Variants in SDHB observed in about 807,000 individuals in gnomAD.
SDHB encodes the protein succinate dehydrogenase complex iron sulfur subunit B, also known as succinate dehydrogenase [ubiquinone] iron-sulfur subunit, mitochondrial.
Under a neutral mutation model 39.7 loss-of-function variants are expected in SDHB, and 21 were observed. The observed-to-expected ratio is 0.53, with a 90% CI of 0.37 to 0.76. The LOEUF (loss-of-function observed/expected upper bound fraction) is 0.76. SDHB is among the 30% of genes least tolerant of loss of function. SDHB has a pLI of 0.00. For synonymous variants in SDHB, 118 were observed against 117.0 expected, an observed-to-expected ratio of 1.01 and a Z score of -0.06; for missense variants, 343 against 350.9, an observed-to-expected ratio of 0.98 and a Z score of 0.18.
At chr1:17,050,020 A>G (rs2078136541) in intron 1 of SDHB, among the ~76,000 whole-genome samples, 1 of 152,170 alleles carries the variant, frequency 6.6e-6, no homozygotes, top group Non-Finnish European at 1.5e-5. Context: ...CAAGCTGGGT[A>G]TCAGAACCAC....
intron 2 of SDHB, among the ~76,000 whole-genome samples, chr1:17,036,352 G>C (rs535743915): frequency 4.2e-4 from 64 of 152,082 alleles, no homozygotes; most frequent in Admixed American, 8.5e-4. Context: ...TGTCGCCCAG[G>C]CTGGATGGAG....
At chr1:17,044,688 G>A in intron 2 of SDHB, 73 bp downstream of exon 2, 11 of 1,532,762 alleles carry the variant, frequency 7.2e-6, no homozygotes, top group Non-Finnish European at 9.0e-6. Flanking sequence ...AGCCTTCCAA[G>A]GATGTGAAAA....
rs187489824 is a variant in SDHB, at chr1:17,039,781, G to C, written c.200+4980C>G. Reference sequence around the variant, plus strand: ...TGCTGTTCCCAGCCCCTACGCTATAGTTATCATATGCCTTACATCTATGTG... The same window carrying C: ...TGCTGTTCCCAGCCCCTACGCTATACTTATCATATGCCTTACATCTATGTG... On this transcript the variant is annotated intron_variant, in intron 2 of 7. Transcript: ENST00000375499. Among the ~76,000 whole-genome samples, 23 of 152,204 alleles carry C rather than the reference G, an allele frequency of 1.5e-4. No homozygotes were observed. The East Asian group carries it at 3.9e-3, about 26-fold the overall frequency.
Position 17,027,772 on chromosome 1 carries a change from A to G in SDHB, c.517T>C (p.Ser173Pro), listed in dbSNP as rs2077999499. ...ACCAGTTTCTCACGCTCTTCTATGG[A>G]CTGCAGATACTGCTGCTTGCCTTCC... The part of the protein sequence containing the change: ...SQEGKQQYLQ[S>P]IEEREKLDGL... Residue 173 changes from serine (S) to proline (P), a missense_variant, in exon 5 of 8, where the codon TCC (serine) becomes CCC (proline). Coordinates refer to ENST00000375499, the MANE Select transcript of SDHB (RefSeq NM_003000.3). The G allele has an allele frequency of 6.2e-7, 1 of 1,604,336 alleles. No individual in the cohort carries two copies. Among genetic ancestry groups the G allele is most frequent in the Admixed American group, 1.7e-5 (1 of 60,008 alleles).
At chr1:17,053,916 G>A (rs754077416) in intron 1 of SDHB, 32 bp downstream of exon 1, 3 of 1,572,450 alleles carry the variant, frequency 1.9e-6, no homozygotes, top group African/African-American at 1.3e-5. Flanking sequence ...TGGCTTTCCT[G>A]ACTTTTCCCT....
intron 7 of SDHB, among the ~76,000 whole-genome samples, chr1:17,021,540 T>C (rs546325310): frequency 1.3e-5 from 2 of 151,974 alleles, no homozygotes; most frequent in East Asian, 3.9e-4. Context: ...AGGTCGGGAG[T>C]TCGAGACCAG....
intron 5 of SDHB, among the ~76,000 whole-genome samples, chr1:17,024,974 C>T (rs1479412205): frequency 6.6e-6 from 1 of 152,070 alleles, no homozygotes; most frequent in Non-Finnish European, 1.5e-5. Flanking sequence ...TCAACTGGCC[C>T]CACTGGTCTA....
At chr1:17,023,062 A>C in intron 6 of SDHB, 1 of 363,390 alleles carries the variant, frequency 2.8e-6, no homozygotes, top group South Asian at 2.2e-5. Flanking sequence ...GGACTGTATC[A>C]TATAACTCTT....
rs143394198 is a variant in SDHB at position 17,042,954 on chromosome 1, G to GTTTTTTTTTTT, written c.200+1796_200+1806dup. 7.8e-4 allele frequency among the ~76,000 whole-genome samples: 49 copies of GTTTTTTTTTTT among 62,892 alleles called. 4 individuals carry two copies. Among genetic ancestry groups the GTTTTTTTTTTT allele is most frequent in the Non-Finnish European group, 1.0e-3 (38 of 37,704 alleles). 41.3% of individuals were successfully genotyped at this position (62,892 alleles called of 152,430 possible). On this transcript the variant is annotated intron_variant, in intron 2 of 7. Coordinates refer to ENST00000375499, the MANE Select transcript of SDHB (RefSeq NM_003000.3). ...AGCAGTAGGGTTTTTTGTTTTATGA[G>GTTTTTTTTTTT]TTTTTTTTTTTTTTTTTTTTTTTTT...
intron 1 of SDHB, among the ~76,000 whole-genome samples, chr1:17,053,481 T>C (rs1206692237): frequency 6.6e-6 from 1 of 152,108 alleles, no homozygotes; most frequent in Non-Finnish European, 1.5e-5. Context: ...TCACATGTCC[T>C]TTCCTCACCC....
chr1:17,028,710 T>G lies in SDHB; in HGVS notation c.313A>C (p.Ile105Leu), dbSNP rs1356656612. The change falls in exon 4 of 8, where the codon ATC becomes CTC. Residue 105 changes from isoleucine (I) to leucine (L), a missense_variant. Coordinates refer to ENST00000375499, the MANE Select transcript of SDHB (RefSeq NM_003000.3). ...CAAGCTAGAGTGTTGCCTCCATTGA[T>G]GTTCATTGCACAAGAGCCACAGATG... ...EGICGSCAMN[I>L]NGGNTLACTR... is the part of the protein sequence containing the mutation. 1 of 1,614,076 alleles carries G rather than the reference T, an allele frequency of 6.2e-7. No homozygotes were observed. Among genetic ancestry groups the G allele is most frequent in the Non-Finnish European group, 8.5e-7 (1 of 1,180,040 alleles).
At chr1:17,024,112 G>T in intron 5 of SDHB, 38 bp from the exon 6 acceptor site, 1 of 1,410,252 alleles carries the variant, frequency 7.1e-7, no homozygotes. Context: ...GCTTGTGACG[G>T]GAGAGACTCT....
chr1:17,039,527 G>C (rs953338007), intron 2 of SDHB, among the ~76,000 whole-genome samples: 1 of 152,002 alleles, frequency 6.6e-6, no homozygotes, highest in Non-Finnish European at 1.5e-5. Flanking sequence ...GTCTCAGGGA[G>C]GGAGGATTGC....
In SDHB at chr1:17,040,801, C is replaced by T. The variant is rs373667554; in HGVS notation, c.200+3960G>A. Among the ~76,000 whole-genome samples the T allele has an allele frequency of 5.3e-5, 8 of 151,996 alleles. No homozygotes were observed. The East Asian group carries it at 1.4e-3, about 26-fold the overall frequency. On this transcript the variant is annotated intron_variant, in intron 2 of 7. Transcript: ENST00000375499. Reference sequence around the variant, plus strand: ...TGCTGTTCCATAGATCACAGGAGCGCTTTCCCTTTTCAAAAATCTTTCTTT... The same window carrying T: ...TGCTGTTCCATAGATCACAGGAGCGTTTTCCCTTTTCAAAAATCTTTCTTT...
At chr1:17,051,832 C>A (rs1004915056) in intron 1 of SDHB, among the ~76,000 whole-genome samples, 1 of 151,214 alleles carries the variant, frequency 6.6e-6, no homozygotes, top group South Asian at 2.1e-4. Flanking sequence ...ACAAGATGCA[C>A]ATTTTTTAAA....
At chr1:17,019,839 C>T (rs1173430706) in intron 7 of SDHB, among the ~76,000 whole-genome samples, 2 of 152,084 alleles carry the variant, frequency 1.3e-5, no homozygotes, top group African/African-American at 2.4e-5. Flanking sequence ...CTCAAGTGAT[C>T]CTCCGGCCTC....
chr1:17,028,491 G>A, intron 4 of SDHB, 109 bp downstream of exon 4: 2 of 1,127,644 alleles, frequency 1.8e-6, no homozygotes. Flanking sequence ...ACTAGAAGAG[G>A]AGCCTTAAAT....
intron 1 of SDHB, among the ~76,000 whole-genome samples, chr1:17,047,012 T>C (rs1374631449): frequency 6.6e-6 from 1 of 152,202 alleles, no homozygotes; most frequent in Non-Finnish European, 1.5e-5. Context: ...CCACCGTGCC[T>C]GGCCAACCTT....
chr1:17,050,132 T>C (rs555236313), intron 1 of SDHB, among the ~76,000 whole-genome samples: 5 of 152,302 alleles, frequency 3.3e-5, no homozygotes, highest in South Asian at 4.1e-4. Flanking sequence ...ACACGGATAA[T>C]TGATCACGTA....
Sources: allele counts gnomAD v4.1 joint callset (sites outside exome capture counted in the v4.1 genomes callset), GRCh38; gene constraint gnomAD v4.1.1; transcripts MANE v1.5; gene names NCBI Gene and HGNC (gene_info 2026-07-23, HGNC 2026-07-21).